Variants in DMXL2 observed in about 807,000 individuals in gnomAD.
DMXL2 encodes dmX-like protein 2.
A neutral mutation model predicts 331.1 loss-of-function variants in DMXL2; 103 were observed. The observed-to-expected ratio is 0.31, with a 90% confidence interval of 0.27 to 0.37. DMXL2 has a LOEUF of 0.37. Ranked by LOEUF, DMXL2 falls within the 10% of genes least tolerant of loss-of-function variation. The pLI, the probability that DMXL2 is intolerant of heterozygous loss-of-function variation, is 1.00. For missense variants in DMXL2, 3,171 were observed against 3,642.9 expected, an observed-to-expected ratio of 0.87 and a Z score of 3.33; for synonymous variants, 1,281 against 1,252.1, an observed-to-expected ratio of 1.02 and a Z score of -0.49.
chr15:51,492,940 G>A (rs2042913065), intron 19 of DMXL2, among the ~76,000 whole-genome samples: 1 of 152,054 alleles, frequency 6.6e-6, no homozygotes, highest in African/African-American at 2.4e-5. Flanking sequence ...CTGCTTCACT[G>A]TAATTTCTTT....
chr15:51,614,497 T>A (rs1389312930), intron 1 of DMXL2, among the ~76,000 whole-genome samples: 2 of 152,224 alleles, frequency 1.3e-5, no homozygotes, highest in African/African-American at 4.8e-5. Flanking sequence ...TATATATCCT[T>A]GGAGTAAACC....
intron 1 of DMXL2, among the ~76,000 whole-genome samples, chr15:51,591,211 G>A (rs1429403680): frequency 1.3e-5 from 2 of 152,226 alleles, no homozygotes; most frequent in Non-Finnish European, 2.9e-5. Flanking sequence ...GACGGCACCT[G>A]GAAAATCGGG....
intron 23 of DMXL2, among the ~76,000 whole-genome samples, chr15:51,483,844 A>G (rs1383073108): frequency 6.6e-6 from 1 of 151,866 alleles, no homozygotes; most frequent in Non-Finnish European, 1.5e-5. Context: ...ACAGCCCTGC[A>G]GGCTGCTCCC....
At position 51,488,652 on chromosome 15, in the gene DMXL2, GATAA is replaced by G; in HGVS notation, c.4954-11_4954-8del. ...GAAAAGAAGCTTTGGCAACCTAAAT[GATAA>G]ATAAAATATTAAATTCACAATTTGA... On this transcript the variant is annotated splice_region_variant and splice_polypyrimidine_tract_variant and intron_variant, in intron 20 of 43. Transcript: ENST00000560891. The G allele has an allele frequency of 1.3e-6, 2 of 1,593,224 alleles. No homozygotes were observed. The highest frequency in any genetic ancestry group is 1.7e-6 in the Non-Finnish European group (2 of 1,168,840).
chr15:51,604,440 G>T (rs2053444817), intron 1 of DMXL2, among the ~76,000 whole-genome samples: 1 of 150,564 alleles, frequency 6.6e-6, no homozygotes, highest in South Asian at 2.1e-4. Flanking sequence ...AAGGTCACAG[G>T]ATACAAAATC....
chr15:51,463,597 ATATT>A (rs1227681617), intron 32 of DMXL2, 101 bp from the exon 33 acceptor site: 7 of 711,244 alleles, frequency 9.8e-6, no homozygotes, highest in East Asian at 6.1e-5. Flanking sequence ...TATTGCAAAG[ATATT>A]TATTTTTAAA....
intron 13 of DMXL2, among the ~76,000 whole-genome samples, chr15:51,527,133 C>T (rs117352820): frequency 0.027 from 4,074 of 152,072 alleles, 84 homozygotes; most frequent in Middle Eastern, 0.044. Context: ...GAAAGGATCC[C>T]AACAGCATCA....
chr15:51,549,566 A>G (rs1236306177), intron 6 of DMXL2, among the ~76,000 whole-genome samples: 1 of 152,158 alleles, frequency 6.6e-6, no homozygotes, highest in Non-Finnish European at 1.5e-5. Context: ...ACTAGTTTAC[A>G]TTCCCAACAT....
Position 51,545,739 on chromosome 15 carries a change from A to G in DMXL2, c.774T>C (p.Thr258=). 6.2e-7 allele frequency: 1 copy of G among 1,613,056 alleles called. No individual in the cohort carries two copies. The highest frequency in any genetic ancestry group is 8.5e-7 in the Non-Finnish European group (1 of 1,179,262). ...PRGSVCNVLL[T]SCHDGVCRLW... ...GCCGGCACACACCATCATGACATGA[A>G]GTTAACAACACATTACAGACAGAAC... The change falls in exon 8 of 44, where the codon ACT becomes ACC. Residue 258 remains threonine (T), a synonymous_variant. Transcript: ENST00000560891.
At chr15:51,505,841 C>T (rs1348100134) in intron 16 of DMXL2, among the ~76,000 whole-genome samples, 2 of 152,194 alleles carry the variant, frequency 1.3e-5, no homozygotes, top group Non-Finnish European at 2.9e-5. Context: ...TAAAATCTTA[C>T]AACTCAAATA....
At chr15:51,544,521 C>A (rs939757848) in intron 8 of DMXL2, among the ~76,000 whole-genome samples, 1 of 152,096 alleles carries the variant, frequency 6.6e-6, no homozygotes, top group Non-Finnish European at 1.5e-5. Context: ...CATAGCAGTG[C>A]AAGAATGGCC....
intron 23 of DMXL2, among the ~76,000 whole-genome samples, chr15:51,484,499 T>A (rs962486045): frequency 6.6e-6 from 1 of 152,178 alleles, no homozygotes; most frequent in Non-Finnish European, 1.5e-5. Flanking sequence ...ACTACACTAC[T>A]GTATCCATCT....
In DMXL2 at chr15:51,570,236, A is replaced by G. The variant is rs149807038; in HGVS notation, c.214-1678T>C. ...CAATGAAATAAAGCAAGAGGACAAGATTAGAGAAAAAAGAGTGAAACAAAT... is the reference window on the plus strand; with the variant it reads ...CAATGAAATAAAGCAAGAGGACAAGGTTAGAGAAAAAAGAGTGAAACAAAT... On this transcript the variant is annotated intron_variant, in intron 2 of 43. Transcript: ENST00000560891. Among the ~76,000 whole-genome samples, 743 of 129,864 alleles carry G rather than the reference A, an allele frequency of 5.7e-3. 7 individuals are homozygous for G. Among genetic ancestry groups the G allele is most frequent in the African/African-American group, 0.02 (714 of 36,526 alleles). 85.2% of individuals were successfully genotyped at this position (129,864 alleles called of 152,430 possible).
chr15:51,573,040 T>C lies in DMXL2; in HGVS notation c.213+3016A>G, dbSNP rs187017421. Among the ~76,000 whole-genome samples the C allele has an allele frequency of 7.9e-5, 12 of 152,270 alleles. No homozygotes were observed. The East Asian group carries it at 1.2e-3, about 15-fold the overall frequency. The stretch of plus-strand genomic sequence containing the variant: ...ATGATTGTATATTTAGAAAACCCCA[T>C]TGTCTCAGCCCAAAATCTCCTTAAG... On this transcript the variant is annotated intron_variant, in intron 2 of 43. Transcript: ENST00000560891.
In DMXL2 at chr15:51,563,171, G is replaced by T. The variant is rs182148279; in HGVS notation, c.567+210C>A. 1.5e-4 allele frequency among the ~76,000 whole-genome samples: 23 copies of T among 151,984 alleles called. 1 individual carries two copies. The highest frequency in any genetic ancestry group is 5.9e-4 in the Admixed American group (9 of 15,274). On this transcript the variant is annotated intron_variant, in intron 6 of 43. Coordinates refer to ENST00000560891, the MANE Select transcript of DMXL2 (RefSeq NM_001378457.1). ...GCAAATAAGCCAAGGTCAAATAAGAGTAATAAGAATAGCCATTATTTCCCA... is the reference window on the plus strand; with the variant it reads ...GCAAATAAGCCAAGGTCAAATAAGATTAATAAGAATAGCCATTATTTCCCA...
chr15:51,563,359 A>G, intron 6 of DMXL2, 22 bp downstream of exon 6: 1 of 1,541,664 alleles, frequency 6.5e-7, no homozygotes, highest in Non-Finnish European at 8.9e-7. Context: ...TTTATTTCGT[A>G]TGTTTTTGTT....
At chr15:51,505,262 A>G (rs1393420719) in intron 16 of DMXL2, among the ~76,000 whole-genome samples, 1 of 152,242 alleles carries the variant, frequency 6.6e-6, no homozygotes, top group African/African-American at 2.4e-5. Flanking sequence ...TATCACAGCT[A>G]AAAAGAGTAC....
At chr15:51,490,949 TAACA>T (rs770450549) in intron 20 of DMXL2, among the ~76,000 whole-genome samples, 7 of 152,206 alleles carry the variant, frequency 4.6e-5, no homozygotes, top group African/African-American at 1.2e-4. Context: ...GTATTGTAAA[TAACA>T]AACAAGAACT....
chr15:51,533,860 T>G (rs776043749), intron 13 of DMXL2, among the ~76,000 whole-genome samples: 5 of 152,150 alleles, frequency 3.3e-5, no homozygotes, highest in Non-Finnish European at 5.9e-5. Context: ...AATAACTGAC[T>G]CAGATGGTGC....
Sources: allele counts gnomAD v4.1 joint callset (sites outside exome capture counted in the v4.1 genomes callset), GRCh38; gene constraint gnomAD v4.1.1; transcripts MANE v1.5; gene names NCBI Gene and HGNC (gene_info 2026-07-23, HGNC 2026-07-21).